The following TENM3 variants were observed in gnomAD, a reference collection of about 807,000 sequenced individuals.
The protein encoded by TENM3 is teneurin transmembrane protein 3, also known as teneurin-3.
Under a neutral mutation model 255.1 loss-of-function variants are expected in TENM3, and 63 were observed. The observed-to-expected ratio is 0.25, with a 90% CI of 0.20 to 0.30. TENM3 has a LOEUF of 0.30. Among genes scored for constraint, TENM3 ranks in the 10% least tolerant of loss-of-function variants. TENM3 has a pLI of 1.00. For synonymous variants in TENM3, 1,306 were observed against 1,322.3 expected, an observed-to-expected ratio of 0.99 and a Z score of 0.27; for missense variants, 2,929 against 3,461.1, an observed-to-expected ratio of 0.85 and a Z score of 3.86.
At chr4:182,499,947 C>A (rs1336930359) in intron 3 of TENM3, among the ~76,000 whole-genome samples, 5 of 152,072 alleles carry the variant, frequency 3.3e-5, no homozygotes, top group African/African-American at 1.2e-4. Flanking sequence ...GGGAAATGTA[C>A]AAAAGCTTTT....
chr4:181,722,664 A>AT, the TENM3 span, among the ~76,000 whole-genome samples: 1 of 152,218 alleles, frequency 6.6e-6, no homozygotes, highest in African/African-American at 2.4e-5. Context: ...AATTACTCAT[A>AT]TTTTAATGTA....
At chr4:182,189,804 A>T (rs1753398679) in intron 1 of TENM3, among the ~76,000 whole-genome samples, 3 of 152,226 alleles carry the variant, frequency 2.0e-5, no homozygotes. Context: ...GCTGGCCCAC[A>T]GTGGTGGCCT....
rs554789521 is a variant in TENM3 at position 182,691,244 on chromosome 4, C to T, written c.2221+2893C>T. ...TCTTGCATTTCCTCCCCATTTTAAC[C>T]CCTACGCATCTGGCTGAAAGAAGCT... On this transcript the variant is annotated intron_variant, in intron 12 of 27. Transcript: ENST00000511685. 3.5e-4 allele frequency among the ~76,000 whole-genome samples: 53 copies of T among 152,344 alleles called. 3 individuals are homozygous for T. The South Asian group carries it at 0.011, about 31-fold the overall frequency.
the TENM3 span, among the ~76,000 whole-genome samples, chr4:181,507,959 T>C: frequency 1.3e-5 from 2 of 152,228 alleles, no homozygotes; most frequent in Admixed American, 6.5e-5. Flanking sequence ...GTAGCTTTTA[T>C]TGAAGAAAGA....
chr4:182,514,774 T>G (rs1737766918), intron 3 of TENM3, among the ~76,000 whole-genome samples: 1 of 151,956 alleles, frequency 6.6e-6, no homozygotes, highest in African/African-American at 2.4e-5. Context: ...CTTGGAGAGA[T>G]TTAGAAGTCA....
the TENM3 span, among the ~76,000 whole-genome samples, chr4:181,454,092 A>G: frequency 6.6e-6 from 1 of 152,174 alleles, no homozygotes; most frequent in Non-Finnish European, 1.5e-5. Context: ...CATATTAAGT[A>G]TTAATAAGTA....
chr4:182,304,481 G>A (rs1762027569), intron 1 of TENM3, among the ~76,000 whole-genome samples: 1 of 152,070 alleles, frequency 6.6e-6, no homozygotes, highest in South Asian at 2.1e-4. Context: ...CTAAGTAATG[G>A]GATTACAGGC....
At chr4:182,365,121 A>G (rs920228156) in intron 3 of TENM3, among the ~76,000 whole-genome samples, 5 of 152,206 alleles carry the variant, frequency 3.3e-5, no homozygotes, top group Admixed American at 2.6e-4. Context: ...AACGTGTCTT[A>G]CCTTTGTTGT....
intron 3 of TENM3, among the ~76,000 whole-genome samples, chr4:182,518,932 G>A (rs1348346335): frequency 6.6e-6 from 1 of 152,176 alleles, no homozygotes; most frequent in East Asian, 1.9e-4. Flanking sequence ...AGTACCTGCT[G>A]TGTACGGGGC....
At chr4:181,768,831 A>T in the TENM3 span, among the ~76,000 whole-genome samples, 971 of 152,310 alleles carry the variant, frequency 6.4e-3, 9 homozygotes, top group African/African-American at 0.023. Flanking sequence ...AAATATAAGA[A>T]CCACATGAAA....
At chr4:181,781,709 G>A in the TENM3 span, among the ~76,000 whole-genome samples, 1 of 152,158 alleles carries the variant, frequency 6.6e-6, no homozygotes, top group Non-Finnish European at 1.5e-5. Context: ...TTTTCAAAGG[G>A]ACTGCTTCCA....
intron 12 of TENM3, among the ~76,000 whole-genome samples, chr4:182,701,313 T>C (rs6856931): frequency 0.29 from 41,589 of 144,542 alleles, 6,292 homozygotes; most frequent in Non-Finnish European, 0.35. Context: ...CTCCGCCTCC[T>C]GGGTTCAAGC....
chr4:182,483,976 G>T (rs372701529), intron 3 of TENM3, among the ~76,000 whole-genome samples: 194 of 152,230 alleles, frequency 1.3e-3, no homozygotes, highest in African/African-American at 4.3e-3. Context: ...AGCACTCAGG[G>T]TTACAATTCT....
intron 1 of TENM3, among the ~76,000 whole-genome samples, chr4:182,272,478 G>A (rs1483781848): frequency 1.4e-4 from 21 of 152,110 alleles, no homozygotes; most frequent in Admixed American, 1.1e-3. Flanking sequence ...CTGCAGAAAC[G>A]CCAAGCTGAC....
chr4:182,552,265 T>TC (rs1365120782), intron 3 of TENM3, among the ~76,000 whole-genome samples: 1 of 152,050 alleles, frequency 6.6e-6, no homozygotes, highest in Non-Finnish European at 1.5e-5. Flanking sequence ...GTAGATGCCC[T>TC]CCCCGCCACC....
chr4:182,631,453 A>C (rs1280623161), intron 5 of TENM3: 1 of 152,208 alleles, frequency 6.6e-6, no homozygotes, highest in Non-Finnish European at 1.5e-5. Flanking sequence ...ATCAGGTAAA[A>C]AAATTTCATT....
chr4:182,770,750 C>T (rs1764136251), intron 22 of TENM3, among the ~76,000 whole-genome samples: 1 of 152,210 alleles, frequency 6.6e-6, no homozygotes. Flanking sequence ...CCTCTGCTCA[C>T]CCAGACTTCT....
the TENM3 span, among the ~76,000 whole-genome samples, chr4:181,800,999 C>T: frequency 6.6e-6 from 1 of 152,076 alleles, no homozygotes; most frequent in Admixed American, 6.6e-5. Flanking sequence ...AGCAAGATAG[C>T]CAAGTAATTG....
At chr4:182,008,756 G>A in the TENM3 span, among the ~76,000 whole-genome samples, 5 of 151,910 alleles carry the variant, frequency 3.3e-5, no homozygotes, top group South Asian at 6.2e-4. Flanking sequence ...CCAGTTCTGC[G>A]CCCTTGATGG....
Sources: allele counts gnomAD v4.1 joint callset (sites outside exome capture counted in the v4.1 genomes callset), GRCh38; gene constraint gnomAD v4.1.1; transcripts MANE v1.5; gene names NCBI Gene and HGNC (gene_info 2026-07-23, HGNC 2026-07-21).